The following SCN2A variants were observed in gnomAD, a reference collection of about 807,000 sequenced individuals.
The protein encoded by SCN2A is sodium channel protein type 2 subunit alpha.
A neutral mutation model predicts 188.7 loss-of-function variants in SCN2A; 20 were observed. That is an observed-to-expected ratio of 0.11 (90% CI 0.07 to 0.15). The LOEUF (loss-of-function observed/expected upper bound fraction) is 0.15, where lower values mean the gene tolerates loss of function less well. SCN2A is among the 10% of genes least tolerant of loss of function. SCN2A has a pLI of 1.00. For synonymous variants in SCN2A, 804 were observed against 833.1 expected (o/e 0.97, Z 0.60); for missense variants, 1,278 against 2,445.0 (o/e 0.52, Z 10.07).
chr2:165,360,138 A>G (rs941213405), intron 17 of SCN2A, among the ~76,000 whole-genome samples: 3 of 151,960 alleles, frequency 2.0e-5, no homozygotes, highest in Admixed American at 2.0e-4. Context: ...CCCAAATTAT[A>G]TACAATATCT....
intron 11 of SCN2A, among the ~76,000 whole-genome samples, chr2:165,322,225 A>T (rs1462277798): frequency 6.6e-6 from 1 of 152,214 alleles, no homozygotes; most frequent in Non-Finnish European, 1.5e-5. Flanking sequence ...AAAGACAGGG[A>T]TATCTTTCAA....
chr2:165,370,571 G>C, intron 20 of SCN2A: 1 of 361,152 alleles, frequency 2.8e-6, no homozygotes, highest in Admixed American at 4.1e-5. Flanking sequence ...AATAAAATAT[G>C]AATTTAGAAA....
At chr2:165,248,894 A>T (rs1693974129) in intron 1 of SCN2A, among the ~76,000 whole-genome samples, 1 of 152,002 alleles carries the variant, frequency 6.6e-6, no homozygotes, top group Non-Finnish European at 1.5e-5. Flanking sequence ...TTTCTCTTTC[A>T]CTTTATTGGG....
intron 13 of SCN2A, chr2:165,327,209 T>G: frequency 2.0e-6 from 1 of 503,560 alleles, no homozygotes; most frequent in Non-Finnish European, 3.6e-6. Context: ...TAAGGTATAT[T>G]TTGAACACCA....
At chr2:165,267,025 A>T (rs1488872941) in intron 1 of SCN2A, 1 of 152,078 alleles carries the variant, frequency 6.6e-6, no homozygotes, top group Non-Finnish European at 1.5e-5. Flanking sequence ...AAAAAGAAAG[A>T]TATCCCGTGT....
chr2:165,346,610 T>A (rs1699600995), intron 16 of SCN2A, among the ~76,000 whole-genome samples: 2 of 152,066 alleles, frequency 1.3e-5, no homozygotes, highest in Admixed American at 6.6e-5. Flanking sequence ...ACAAATGGGA[T>A]CTAATTAAAC....
Position 165,386,989 on chromosome 2 carries a change from T to A in SCN2A, c.4795T>A (p.Phe1599Ile). ...YFTIGWNIFD[F>I]VVVILSIVGM... ...CACTATTGGATGGAATATTTTTGAT[T>A]TTGTGGTGGTCATTCTCTCCATTGT... The change falls in exon 26 of 27, where the codon TTT (phenylalanine) becomes ATT (isoleucine). Residue 1599 changes from phenylalanine (F) to isoleucine (I), a missense_variant. Around this residue, in one of 17 missense-constraint regions of SCN2A, gnomAD observed 97 missense variants for 266.1 expected, o/e 0.36. Transcript: ENST00000375437. The A allele has an allele frequency of 1.2e-6, 2 of 1,613,806 alleles. No homozygotes were observed. Among genetic ancestry groups the A allele is most frequent in the Non-Finnish European group, 1.7e-6 (2 of 1,179,822 alleles).
At chr2:165,343,503 G>C (rs1304195965) in intron 15 of SCN2A, among the ~76,000 whole-genome samples, 5 of 152,170 alleles carry the variant, frequency 3.3e-5, no homozygotes, top group African/African-American at 4.8e-5. Flanking sequence ...AGGAAGCATA[G>C]TATCACTAGA....
intron 1 of SCN2A, chr2:165,269,675 G>A (rs531607440): frequency 1.3e-5 from 2 of 151,922 alleles, no homozygotes; most frequent in African/African-American, 4.8e-5. Flanking sequence ...AGATAAAATT[G>A]GACCTCATAT....
At chr2:165,274,839 G>A (rs1487520615) in intron 1 of SCN2A, among the ~76,000 whole-genome samples, 4 of 152,082 alleles carry the variant, frequency 2.6e-5, no homozygotes, top group Admixed American at 2.0e-4. Context: ...GGATTTTTCC[G>A]GGCAGCCCGG....
chr2:165,265,507 A>ATATATATATG (rs1694814522), intron 1 of SCN2A, among the ~76,000 whole-genome samples: 1 of 129,002 alleles, frequency 7.8e-6, no homozygotes, highest in African/African-American at 2.9e-5. Context: ...ATATATATAT[A>ATATATATATG]TATATATATT....
Position 165,350,539 on chromosome 2 carries a change from C to A in SCN2A, c.2920-3653C>A, listed in dbSNP as rs867280003. On this transcript the variant is annotated intron_variant, in intron 16 of 26. Coordinates refer to ENST00000375437, the MANE Select transcript of SCN2A (RefSeq NM_001040142.2). The stretch of plus-strand genomic sequence containing the variant: ...CCAGGCTGGAGTGCAGTGGCGGGAT[C>A]TCGGCTCACTGCAAGCTCCGCCTCC... Among the ~76,000 whole-genome samples, 113 of 126,370 alleles carry A rather than the reference C, an allele frequency of 8.9e-4. 1 individual carries two copies. In the Middle Eastern group the frequency reaches 0.016, roughly 18 times the overall value. The allele number at this position is 126,370 out of a possible 152,430, so 82.9% of individuals were successfully genotyped here.
At position 165,389,671 on chromosome 2, in the gene SCN2A, T is replaced by C. The variant is rs1702051308; in HGVS notation, c.5865T>C (p.Asn1955=). Residue 1955 remains asparagine (N), a synonymous_variant, in exon 27 of 27, where the codon AAT becomes AAC. Coordinates refer to ENST00000375437, the MANE Select transcript of SCN2A (RefSeq NM_001040142.2). The surrounding 1 kb of genome is among the most constrained non-coding windows in gnomAD (Gnocchi z 4.2). ...IKEDTLIDKL[N]ENSTPEKTDM... Reference sequence around the variant, plus strand: ...AAGATACTCTCATTGATAAACTGAATGAGAATTCAACTCCAGAGAAAACCG... The same window carrying C: ...AAGATACTCTCATTGATAAACTGAACGAGAATTCAACTCCAGAGAAAACCG... The C allele has an allele frequency of 1.2e-6, 2 of 1,613,954 alleles. No homozygotes were observed. The highest frequency in any genetic ancestry group is 1.3e-5 in the African/African-American group (1 of 75,014).
chr2:165,263,562 C>T (rs1694701640), intron 1 of SCN2A, among the ~76,000 whole-genome samples: 1 of 152,060 alleles, frequency 6.6e-6, no homozygotes, highest in African/African-American at 2.4e-5. Context: ...ATCCTGTATT[C>T]TGTCCCATTG....
chr2:165,289,955 G>A (rs532644364), intron 1 of SCN2A, among the ~76,000 whole-genome samples: 6 of 152,244 alleles, frequency 3.9e-5, no homozygotes, highest in African/African-American at 1.4e-4. Context: ...TTGCATAATT[G>A]TTAGAAACAT....
intron 20 of SCN2A, 74 bp downstream of exon 20, chr2:165,370,373 T>TGTAG: frequency 7.1e-7 from 1 of 1,415,568 alleles, no homozygotes; most frequent in South Asian, 1.1e-5. Context: ...CCTGACACAG[T>TGTAG]GTAGGCACTC....
At chr2:165,328,343 G>A (rs1295300939) in intron 13 of SCN2A, 17 of 198,220 alleles carry the variant, frequency 8.6e-5, no homozygotes, top group African/African-American at 1.4e-4. Flanking sequence ...CCTCGCCTGC[G>A]TTAGCTTGCA....
At chr2:165,264,311 A>G (rs776124319) in intron 1 of SCN2A, among the ~76,000 whole-genome samples, 2 of 152,162 alleles carry the variant, frequency 1.3e-5, no homozygotes, top group Non-Finnish European at 1.5e-5. Flanking sequence ...CCACAAGTCA[A>G]TAAATGTGAT....
intron 1 of SCN2A, chr2:165,294,010 TAAAAAA>T (rs67417831): frequency 1.9e-3 from 284 of 150,978 alleles, no homozygotes; most frequent in African/African-American, 4.0e-3. Flanking sequence ...GAAGGAGAAT[TAAAAAA>T]AAAAAAAAAA....
Sources: gnomAD v4.1 joint callset for allele counts (sites outside exome capture counted in the v4.1 genomes callset) on GRCh38, gnomAD v4.1.1 for gene constraint, gnomAD v4.1.1 regional missense constraint, Gnocchi (gnomAD v3.1) non-coding constraint, MANE v1.5 for transcripts, NCBI Gene and HGNC (gene_info 2026-07-23, HGNC 2026-07-21) for gene names.